The following ANGPTL2 variants were observed in gnomAD, a reference collection of about 807,000 sequenced individuals.
ANGPTL2 encodes angiopoietin like 2.
In ANGPTL2, 25 loss-of-function variants were observed where a neutral mutation model predicts 52.8. That is an observed-to-expected ratio of 0.47 (90% CI 0.35 to 0.66). ANGPTL2 has a LOEUF of 0.66. Ranked by LOEUF, ANGPTL2 falls within the 30% of genes least tolerant of loss-of-function variation. The pLI is 0.01. For missense variants in ANGPTL2, 546 were observed against 656.9 expected (o/e 0.83, Z 1.84); for synonymous variants, 276 against 277.4 (o/e 1.00, Z 0.05).
intron 2 of ANGPTL2, among the ~76,000 whole-genome samples, chr9:127,099,566 A>G (rs1467744808): frequency 6.6e-6 from 1 of 152,174 alleles, no homozygotes; most frequent in East Asian, 1.9e-4. Flanking sequence ...GGGCAGGAGA[A>G]CAGACACACA....
Position 127,107,911 on chromosome 9 carries a change from T to C in ANGPTL2, c.817+4A>G. 6.5e-7 allele frequency: 1 copy of C among 1,526,968 alleles called. No homozygotes were observed. Among genetic ancestry groups the C allele is most frequent in the Non-Finnish European group, 8.8e-7 (1 of 1,133,914 alleles). 94.6% of individuals were successfully genotyped at this position (1,526,968 alleles called of 1,614,324 possible). ...ACATGTAACACGATCCCAGAAGCAC[T>C]TACCCGACGGCTTGTCGGTGGAAGA... On this transcript the variant is annotated splice_donor_region_variant and intron_variant, in intron 2 of 4. Coordinates refer to ENST00000373425, the MANE Select transcript of ANGPTL2 (RefSeq NM_012098.3).
chr9:127,121,672 C>T (rs1200297935), intron 1 of ANGPTL2, among the ~76,000 whole-genome samples: 1 of 152,232 alleles, frequency 6.6e-6, no homozygotes, highest in Middle Eastern at 3.2e-3. Context: ...CCGCATCCTC[C>T]CTGTATCTTG....
intron 2 of ANGPTL2, among the ~76,000 whole-genome samples, chr9:127,107,334 A>G (rs2054315515): frequency 2.6e-5 from 4 of 152,208 alleles, no homozygotes; most frequent in Admixed American, 6.5e-5. Flanking sequence ...GAATTGCTGT[A>G]TTTTAAGATG....
intron 2 of ANGPTL2, among the ~76,000 whole-genome samples, chr9:127,094,704 T>G (rs964639924): frequency 6.6e-6 from 1 of 152,248 alleles, no homozygotes; most frequent in African/African-American, 2.4e-5. Flanking sequence ...TGCTTGGCAC[T>G]CACGCATTCT....
chr9:127,097,677 A>G (rs2053285561), intron 2 of ANGPTL2, among the ~76,000 whole-genome samples: 1 of 152,268 alleles, frequency 6.6e-6, no homozygotes, highest in African/African-American at 2.4e-5. Context: ...GAAATCCACA[A>G]CTGTAACATA....
intron 2 of ANGPTL2, among the ~76,000 whole-genome samples, chr9:127,100,187 T>C (rs2053574804): frequency 6.6e-6 from 1 of 152,224 alleles, no homozygotes; most frequent in African/African-American, 2.4e-5. Context: ...CATAAATTAA[T>C]TGAGTTACTC....
rs2055559250 is a variant in ANGPTL2 at position 127,117,487 on chromosome 9, TC to T, written c.-50+4827del. Among the ~76,000 whole-genome samples, 4 of 152,244 alleles carry T rather than the reference TC, an allele frequency of 2.6e-5. 1 individual carries two copies. The South Asian group carries it at 8.3e-4, about 32-fold the overall frequency. The stretch of plus-strand genomic sequence containing the variant: ...TAGAACAGGAACAAGGTGGGTGAGG[TC>T]CTTACCCTCAAGGGGTCCACGGTAG... On this transcript the variant is annotated intron_variant, in intron 1 of 4. Coordinates refer to ENST00000373425, the MANE Select transcript of ANGPTL2 (RefSeq NM_012098.3).
Position 127,110,298 on chromosome 9 carries a change from T to G in ANGPTL2, c.-49-1518A>C, listed in dbSNP as rs967307980. On this transcript the variant is annotated intron_variant, in intron 1 of 4. Transcript: ENST00000373425. ...CATTAATATTTTCCCTCTCACACTG[T>G]GGGATACAGTTGGGCTCCCTTCTTG... Among the ~76,000 whole-genome samples the G allele has an allele frequency of 2.6e-5, 4 of 152,306 alleles. No individual in the cohort carries two copies. The East Asian group carries it at 7.7e-4, about 29-fold the overall frequency.
chr9:127,098,265 G>A (rs1477000717), intron 2 of ANGPTL2, among the ~76,000 whole-genome samples: 3 of 152,302 alleles, frequency 2.0e-5, no homozygotes, highest in East Asian at 3.9e-4. Context: ...TGGGCAAAGC[G>A]CTCCCTTTGG....
chr9:127,117,801 A>T (rs993945163), intron 1 of ANGPTL2, among the ~76,000 whole-genome samples: 1 of 152,164 alleles, frequency 6.6e-6, no homozygotes, highest in East Asian at 1.9e-4. Context: ...TCCCTCATGG[A>T]GGTTGGAGTG....
chr9:127,093,862 C>T lies in ANGPTL2; in HGVS notation c.882G>A (p.Val294=). The change falls in exon 3 of 5, where the codon GTG becomes GTA. Residue 294 remains valine, a synonymous_variant. Transcript: ENST00000373425. The part of the protein sequence containing the change: ...DGHDTSSIYL[V]KPENTNRLMQ... ...TGAGGCGGTTGGTGTTCTCCGGCTT[C>T]ACCAGGTAGATGGAGCTGGTGTCGT... 6.2e-7 allele frequency: 1 copy of T among 1,614,118 alleles called. No homozygotes were observed. Among genetic ancestry groups the T allele is most frequent in the Non-Finnish European group, 8.5e-7 (1 of 1,180,026 alleles).
rs139380304 is a variant in ANGPTL2, at chr9:127,091,014, C to T, written c.1282+656G>A. Among the ~76,000 whole-genome samples the T allele has an allele frequency of 6.6e-6, 1 of 152,348 alleles. No homozygotes were observed. The highest frequency in any genetic ancestry group is 1.9e-4 in the East Asian group (1 of 5,188). On this transcript the variant is annotated intron_variant, in intron 4 of 4. Transcript: ENST00000373425. The surrounding 1 kb of genome is among the most constrained non-coding windows in gnomAD (Gnocchi z 4.3). ...TGATCTTAGACAAATCACTTTCTCTCTCCTATCTGCTTTCCTCTTAATAGC... is the reference window on the plus strand; with the variant it reads ...TGATCTTAGACAAATCACTTTCTCTTTCCTATCTGCTTTCCTCTTAATAGC...
At chr9:127,117,710 C>G (rs1191370200) in intron 1 of ANGPTL2, among the ~76,000 whole-genome samples, 3 of 152,218 alleles carry the variant, frequency 2.0e-5, no homozygotes, top group Non-Finnish European at 4.4e-5. Flanking sequence ...TTCATTGATT[C>G]ATTCATTCCA....
At chr9:127,102,391 C>T (rs1032593479) in intron 2 of ANGPTL2, among the ~76,000 whole-genome samples, 2 of 152,180 alleles carry the variant, frequency 1.3e-5, no homozygotes, top group South Asian at 2.1e-4. Context: ...TAATACTATA[C>T]AAGTTCACCA....
At chr9:127,098,067 C>T (rs981331778) in intron 2 of ANGPTL2, among the ~76,000 whole-genome samples, 4 of 152,182 alleles carry the variant, frequency 2.6e-5, no homozygotes, top group African/African-American at 4.8e-5. Context: ...TTCACCCCCC[C>T]AACTAATTCC....
Position 127,093,940 on chromosome 9 carries a change from CAT to C in ANGPTL2, c.818-16_818-15del. The C allele has an allele frequency of 6.2e-7, 1 of 1,611,750 alleles. No individual in the cohort carries two copies. Among genetic ancestry groups the C allele is most frequent in the Non-Finnish European group, 8.5e-7 (1 of 1,179,198 alleles). On this transcript the variant is annotated splice_polypyrimidine_tract_variant and intron_variant, in intron 2 of 4. Transcript: ENST00000373425. ...CTCTCCATGGGCCTGGGGACACAGACATGCATATACATCACAGACCTGCCTGT... is the reference window on the plus strand; with the variant it reads ...CTCTCCATGGGCCTGGGGACACAGACGCATATACATCACAGACCTGCCTGT...
chr9:127,111,939 C>G (rs2054856142), intron 1 of ANGPTL2, among the ~76,000 whole-genome samples: 1 of 152,236 alleles, frequency 6.6e-6, no homozygotes, highest in South Asian at 2.1e-4. Flanking sequence ...TCACATTAAT[C>G]TGTGCTAAAA....
chr9:127,100,032 G>T (rs1164542228), intron 2 of ANGPTL2, among the ~76,000 whole-genome samples: 1 of 152,202 alleles, frequency 6.6e-6, no homozygotes, highest in Non-Finnish European at 1.5e-5. Flanking sequence ...ACTACAAAGT[G>T]TGACATCTTG....
At chr9:127,094,107 G>A (rs1284613414) in intron 2 of ANGPTL2, among the ~76,000 whole-genome samples, 181 bp from the exon 3 acceptor site, 1 of 152,042 alleles carries the variant, frequency 6.6e-6, no homozygotes, top group East Asian at 1.9e-4. Flanking sequence ...CAAGAGCCTC[G>A]GACCAGGGGT....
Sources: allele counts gnomAD v4.1 joint callset (sites outside exome capture counted in the v4.1 genomes callset), GRCh38; gene constraint gnomAD v4.1.1; non-coding constraint Gnocchi (gnomAD v3.1); transcripts MANE v1.5; gene names NCBI Gene and HGNC (gene_info 2026-07-23, HGNC 2026-07-21).